Variants in USP46 observed in about 807,000 individuals in gnomAD.
USP46 encodes the protein ubiquitin specific peptidase 46.
USP46 carries 12 observed loss-of-function variants against 44.4 expected under a neutral mutation model. That is an observed-to-expected ratio of 0.27 (90% confidence interval 0.17 to 0.44). The LOEUF (loss-of-function observed/expected upper bound fraction) is 0.44. USP46 is among the 20% of genes least tolerant of loss of function. USP46 has a pLI of 1.00. For missense variants in USP46, 248 were observed against 444.8 expected, an observed-to-expected ratio of 0.56 and a Z score of 3.98; for synonymous variants, 155 against 161.5, an observed-to-expected ratio of 0.96 and a Z score of 0.31.
At chr4:52,618,277 T>A (rs922111961) in intron 4 of USP46, among the ~76,000 whole-genome samples, 1 of 151,886 alleles carries the variant, frequency 6.6e-6, no homozygotes, top group African/African-American at 2.4e-5. Context: ...TCATCTGAGG[T>A]CGGGATTTTA....
In USP46 at chr4:52,597,095, A is replaced by G. The variant is rs1716275363; in HGVS notation, c.*545T>C. ...CCTGTTTCATGTCAAGGATGATTTT[A>G]ATATCGAGGTTACTCACTTTTCAAC... is the stretch of plus-strand genomic sequence containing the variant. On this transcript the variant is annotated 3_prime_UTR_variant, in exon 9 of 9. Coordinates refer to ENST00000441222, the MANE Select transcript of USP46 (RefSeq NM_022832.4). 6.5e-6 allele frequency: 1 copy of G among 153,652 alleles called. No homozygotes were observed. Among genetic ancestry groups the G allele is most frequent in the African/African-American group, 2.4e-5 (1 of 41,460 alleles). The allele number at this position is 153,652 out of a possible 1,614,324, so 9.5% of individuals were successfully genotyped here.
chr4:52,608,441 A>G (rs895017603), intron 5 of USP46, among the ~76,000 whole-genome samples: 1 of 152,270 alleles, frequency 6.6e-6, no homozygotes, highest in East Asian at 1.9e-4. Flanking sequence ...GGCTGCGCCT[A>G]TGGCTGGCCA....
intron 1 of USP46, among the ~76,000 whole-genome samples, chr4:52,649,837 A>G (rs1718687617): frequency 6.6e-6 from 1 of 152,256 alleles, no homozygotes; most frequent in Non-Finnish European, 1.5e-5. Context: ...TTGTCAGTCT[A>G]ACATGGTGGT....
At chr4:52,652,043 CA>C (rs1398428926) in intron 1 of USP46, among the ~76,000 whole-genome samples, 1 of 152,126 alleles carries the variant, frequency 6.6e-6, no homozygotes, top group Non-Finnish European at 1.5e-5. Flanking sequence ...TGTTTTCAGA[CA>C]AAACCAAAAC....
intron 1 of USP46, among the ~76,000 whole-genome samples, chr4:52,645,147 C>T (rs1718501053): frequency 6.6e-6 from 1 of 151,650 alleles, no homozygotes; most frequent in Non-Finnish European, 1.5e-5. Flanking sequence ...ATAGCTTGAA[C>T]CCGGGAGGCA....
intron 3 of USP46, 51 bp downstream of exon 3, chr4:52,627,899 C>CAAG: frequency 6.5e-7 from 1 of 1,546,194 alleles, no homozygotes; most frequent in Non-Finnish European, 8.8e-7. Context: ...ACAGAACCAT[C>CAAG]AATTCTCCTT....
chr4:52,607,879 T>C (rs1221304903), intron 5 of USP46, among the ~76,000 whole-genome samples: 2 of 152,226 alleles, frequency 1.3e-5, no homozygotes, highest in African/African-American at 4.8e-5. Context: ...CCAAGCTTTC[T>C]GTACAGCTTG....
intron 1 of USP46, among the ~76,000 whole-genome samples, chr4:52,636,993 T>C (rs898575555): frequency 4.6e-5 from 7 of 151,840 alleles, no homozygotes; most frequent in African/African-American, 1.7e-4. Flanking sequence ...TATTTTTTTG[T>C]AGGGACAGGG....
At chr4:52,644,559 A>G (rs1241615127) in intron 1 of USP46, among the ~76,000 whole-genome samples, 1 of 152,050 alleles carries the variant, frequency 6.6e-6, no homozygotes, top group Non-Finnish European at 1.5e-5. Flanking sequence ...TGAACTGCGC[A>G]TCAGAGGGAT....
chr4:52,656,369 A>G, intron 1 of USP46: 1 of 1,469,202 alleles, frequency 6.8e-7, no homozygotes. Context: ...TCCAGTGAAA[A>G]GACAGCAGTT....
chr4:52,629,551 C>T (rs1041741743), intron 2 of USP46: 2 of 454,634 alleles, frequency 4.4e-6, no homozygotes, highest in African/African-American at 4.0e-5. Context: ...AATCATAAGT[C>T]AGTATTTCAC....
chr4:52,644,800 G>C (rs1296035721), intron 1 of USP46, among the ~76,000 whole-genome samples: 3 of 151,170 alleles, frequency 2.0e-5, no homozygotes, highest in East Asian at 1.9e-4. Flanking sequence ...GCTCACGCCT[G>C]TAATCCCAGC....
chr4:52,632,033 AAG>A (rs1318925936), intron 1 of USP46, among the ~76,000 whole-genome samples: 1 of 151,372 alleles, frequency 6.6e-6, no homozygotes, highest in Non-Finnish European at 1.5e-5. Context: ...GGGGAAGGGG[AAG>A]GGGAAGGGGA....
Position 52,592,967 on chromosome 4 carries a change from G to C in USP46, c.*4673C>G. ...TGTAAGTTTCCTGAGGCCTCCCCCA[G>C]AACAGAAGCCTGTACAGCCCATAAA... On this transcript the variant is annotated 3_prime_UTR_variant, in exon 9 of 9. Coordinates refer to ENST00000441222, the MANE Select transcript of USP46 (RefSeq NM_022832.4). 2.5e-6 allele frequency: 1 copy of C among 398,600 alleles called. No homozygotes were observed. The allele number at this position is 398,600 out of a possible 1,614,324, so 24.7% of individuals were successfully genotyped here.
chr4:52,597,615 T>A lies in USP46; in HGVS notation c.*25A>T. ...CAGTGCTGTGAACATTCTCCCCACGTGAATCAGTCCCGCAGGTCTTTCAGT... is the reference window on the plus strand; with the variant it reads ...CAGTGCTGTGAACATTCTCCCCACGAGAATCAGTCCCGCAGGTCTTTCAGT... On this transcript the variant is annotated 3_prime_UTR_variant, in exon 9 of 9. Coordinates refer to ENST00000441222, the MANE Select transcript of USP46 (RefSeq NM_022832.4). 6.6e-7 allele frequency: 1 copy of A among 1,504,948 alleles called. No homozygotes were observed. The allele number at this position is 1,504,948 out of a possible 1,614,324, so 93.2% of individuals were successfully genotyped here.
At chr4:52,656,333 G>A (rs1454180195) in intron 1 of USP46, 1 of 1,547,068 alleles carries the variant, frequency 6.5e-7, no homozygotes, top group Admixed American at 2.0e-5. Context: ...AATCTAAAGA[G>A]AGGTCCAGTT....
At chr4:52,629,496 G>A (rs931799252) in intron 2 of USP46, 50 of 429,046 alleles carry the variant, frequency 1.2e-4, no homozygotes, top group Middle Eastern at 1.3e-3. Flanking sequence ...CACTTCACAG[G>A]GCTAAGCAGA....
chr4:52,592,007 G>A lies in USP46; in HGVS notation c.*5633C>T, dbSNP rs1428291241. The A allele has an allele frequency of 2.0e-5, 3 of 152,198 alleles. No individual in the cohort carries two copies. The highest frequency in any genetic ancestry group is 7.2e-5 in the African/African-American group (3 of 41,442). The allele number at this position is 152,198 out of a possible 1,614,324, so 9.4% of individuals were successfully genotyped here. On this transcript the variant is annotated 3_prime_UTR_variant, in exon 9 of 9. Coordinates refer to ENST00000441222, the MANE Select transcript of USP46 (RefSeq NM_022832.4). ...GTCCCTGAGCTAGAAGGCAGGCTGG[G>A]AAGAGTGTGGGGCTCCCAGGAAAAA... is the stretch of plus-strand genomic sequence containing the variant.
intron 1 of USP46, among the ~76,000 whole-genome samples, chr4:52,654,216 A>G (rs1718873454): frequency 6.6e-6 from 1 of 152,212 alleles, no homozygotes; most frequent in Non-Finnish European, 1.5e-5. Context: ...GTATTTTCTA[A>G]TCCCAGCAAC....
Sources: allele counts gnomAD v4.1 joint callset (sites outside exome capture counted in the v4.1 genomes callset), GRCh38; gene constraint gnomAD v4.1.1; transcripts MANE v1.5; gene names NCBI Gene and HGNC (gene_info 2026-07-23, HGNC 2026-07-21).